Variants in RASGRF1 observed in about 807,000 individuals in gnomAD.
RASGRF1 encodes the protein ras-specific guanine nucleotide-releasing factor 1.
In RASGRF1, 40 loss-of-function variants were observed where a neutral mutation model predicts 138.7. The observed-to-expected ratio is 0.29, with a 90% CI of 0.22 to 0.38. RASGRF1 has a LOEUF of 0.38. Among genes scored for constraint, RASGRF1 ranks in the 10% least tolerant of loss-of-function variants. The probability of loss-of-function intolerance (pLI) is 1.00; values close to 1 mark genes in which losing one functional copy is unlikely to be tolerated. For synonymous variants in RASGRF1, 614 were observed against 663.2 expected (o/e 0.93, Z 1.14); for missense variants, 1,108 against 1,650.4 (o/e 0.67, Z 5.69).
chr15:79,058,418 G>T lies in RASGRF1; in HGVS notation c.447C>A (p.Ile149=). 2.5e-6 allele frequency: 4 copies of T among 1,614,160 alleles called. No individual in the cohort carries two copies. Among genetic ancestry groups the T allele is most frequent in the Non-Finnish European group, 3.4e-6 (4 of 1,180,032 alleles). ...TGGCCACGGTCTTCTCTGTCTCCAC[G>T]ATCTGCAGCAGGTGCAGGTATTTCT... ...LMQKYLHLLQ[I]VETEKTVAKQ... is the part of the protein sequence containing the mutation. The change falls in exon 3 of 27, where the codon ATC becomes ATA. Residue 149 remains isoleucine (I), a synonymous_variant. Transcript: ENST00000558480.
chr15:79,019,148 G>A (rs781669576), intron 11 of RASGRF1, among the ~76,000 whole-genome samples: 1 of 152,120 alleles, frequency 6.6e-6, no homozygotes, highest in Non-Finnish European at 1.5e-5. Context: ...CTGGGCCTGT[G>A]ATGCTGAGGT....
rs930033383 is a variant in RASGRF1, at chr15:79,073,507, C to T, written c.277-8981G>A. On this transcript the variant is annotated intron_variant, in intron 1 of 26. Coordinates refer to ENST00000558480, the MANE Select transcript of RASGRF1 (RefSeq NM_001145648.3). This position sits in a 1 kb window ranked among gnomAD's most constrained non-coding sequence, Gnocchi z 4.2. ...CACCTGGAGTCGGGGTTGTGAGAGA[C>T]GAGAAGGGCAGGTGAGGAGGAGGTG... 3.3e-5 allele frequency among the ~76,000 whole-genome samples: 5 copies of T among 151,914 alleles called. No homozygotes were observed. Among genetic ancestry groups the T allele is most frequent in the Non-Finnish European group, 5.9e-5 (4 of 67,986 alleles).
intron 2 of RASGRF1, among the ~76,000 whole-genome samples, chr15:79,059,860 A>G (rs1315913690): frequency 2.0e-5 from 3 of 152,152 alleles, no homozygotes; most frequent in African/African-American, 7.2e-5. Flanking sequence ...GTACATAGGA[A>G]GTATCTATTA....
chr15:78,967,895 A>G (rs1444702932), intron 26 of RASGRF1, among the ~76,000 whole-genome samples: 1 of 152,196 alleles, frequency 6.6e-6, no homozygotes, highest in Non-Finnish European at 1.5e-5. Flanking sequence ...TAACCATAAC[A>G]TCATTATACC....
chr15:79,049,290 C>T (rs540296235), intron 4 of RASGRF1, among the ~76,000 whole-genome samples: 1 of 152,252 alleles, frequency 6.6e-6, no homozygotes, highest in African/African-American at 2.4e-5. Context: ...CTGAAGCACT[C>T]TGCCCCATAG....
Position 79,058,372 on chromosome 15 carries a change from C to T in RASGRF1, c.493G>A (p.Glu165Lys), listed in dbSNP as rs776908152. 6.8e-6 allele frequency: 11 copies of T among 1,614,128 alleles called. No individual in the cohort carries two copies. The highest frequency in any genetic ancestry group is 9.3e-6 in the Non-Finnish European group (11 of 1,180,042). ...TVAKQLRQQIEDGEIEIERLK... is the reference protein window; with the variant it reads ...TVAKQLRQQIKDGEIEIERLK... Reference sequence around the variant, plus strand: ...CGCTCGATCTCGATCTCCCCATCCTCGATCTGCTGCCGAAGCTGCTTGGCC... The same window carrying T: ...CGCTCGATCTCGATCTCCCCATCCTTGATCTGCTGCCGAAGCTGCTTGGCC... Residue 165 changes from glutamate (E) to lysine (K), a missense_variant, in exon 3 of 27, where the codon GAG (glutamate) becomes AAG (lysine). By Grantham distance (56) the Glu-to-Lys change is moderately conservative. Around this residue, in one of 3 missense-constraint regions of RASGRF1, gnomAD observed 253 missense variants for 329.5 expected, o/e 0.77. Transcript: ENST00000558480.
Position 79,090,589 on chromosome 15 carries a change from G to GCGCTCGCT in RASGRF1, c.-99_-92dup. The GCGCTCGCT allele has an allele frequency of 1.9e-6, 3 of 1,539,030 alleles. No individual in the cohort carries two copies. The highest frequency in any genetic ancestry group is 2.6e-6 in the Non-Finnish European group (3 of 1,140,638). On this transcript the variant is annotated 5_prime_UTR_variant, in exon 1 of 27. Coordinates refer to ENST00000558480, the MANE Select transcript of RASGRF1 (RefSeq NM_001145648.3). ...GCGCGCTGCGCGCTGCCTCTCTCTGGCGCTCGCTCGCTCGCTCCCTCTAGC... is the reference window on the plus strand; with the variant it reads ...GCGCGCTGCGCGCTGCCTCTCTCTGGCGCTCGCTCGCTCGCTCGCTCGCTCCCTCTAGC...
chr15:78,968,400 T>C (rs1364633059), intron 26 of RASGRF1, among the ~76,000 whole-genome samples: 1 of 151,764 alleles, frequency 6.6e-6, no homozygotes, highest in East Asian at 1.9e-4. Flanking sequence ...GACTCCTGAG[T>C]AGATGTGACT....
chr15:79,089,739 G>T (rs1389266769), intron 1 of RASGRF1, among the ~76,000 whole-genome samples: 1 of 152,250 alleles, frequency 6.6e-6, no homozygotes, highest in Non-Finnish European at 1.5e-5. Context: ...CTGCGGCGAG[G>T]CAAGGGCTGG....
At chr15:79,005,063 C>CT (rs780232785) in intron 14 of RASGRF1, 1 of 985,378 alleles carries the variant, frequency 1.0e-6, no homozygotes. Context: ...ATCTCAGTGA[C>CT]TTTTAGGGGG....
chr15:79,013,091 G>A (rs756864832), intron 13 of RASGRF1, among the ~76,000 whole-genome samples: 6 of 152,194 alleles, frequency 3.9e-5, no homozygotes, highest in African/African-American at 2.4e-5. Context: ...TTATTGAAAC[G>A]GATCTAGGAA....
At chr15:79,074,943 A>G (rs2057813031) in intron 1 of RASGRF1, among the ~76,000 whole-genome samples, 1 of 152,204 alleles carries the variant, frequency 6.6e-6, no homozygotes. Flanking sequence ...AGGAGTCCTA[A>G]GATCGAGCGA....
At chr15:78,978,992 GC>G (rs1471983296) in intron 24 of RASGRF1, 7 of 1,291,774 alleles carry the variant, frequency 5.4e-6, no homozygotes, top group Non-Finnish European at 7.1e-6. Flanking sequence ...AGAATGGGGG[GC>G]CCCAGAGGCA....
intron 24 of RASGRF1, among the ~76,000 whole-genome samples, chr15:78,976,408 A>G (rs1352972635): frequency 2.0e-5 from 3 of 152,216 alleles, no homozygotes; most frequent in African/African-American, 7.2e-5. Context: ...AATCACAAAA[A>G]AATCTCTTAA....
chr15:79,090,168 G>A (rs1446679433), intron 1 of RASGRF1, 55 bp downstream of exon 1: 2 of 1,513,210 alleles, frequency 1.3e-6, no homozygotes, highest in East Asian at 4.8e-5. Context: ...AAGGCCCTGA[G>A]CCCCCAGGGC....
chr15:79,022,898 G>C (rs2056981463), intron 10 of RASGRF1, among the ~76,000 whole-genome samples: 1 of 152,216 alleles, frequency 6.6e-6, no homozygotes, highest in Non-Finnish European at 1.5e-5. Flanking sequence ...CTCTGGGCCG[G>C]GCGCGGTGGC....
In RASGRF1 at chr15:79,006,132, C is replaced by T. The variant is rs780147122; in HGVS notation, c.2075+54G>A. The T allele has an allele frequency of 1.4e-5, 23 of 1,608,696 alleles. No homozygotes were observed. The Middle Eastern group carries it at 5.0e-4, about 35-fold the overall frequency. On this transcript the variant is annotated intron_variant, in intron 14 of 26. Coordinates refer to ENST00000558480, the MANE Select transcript of RASGRF1 (RefSeq NM_001145648.3). This position sits in a 1 kb window ranked among gnomAD's most constrained non-coding sequence, Gnocchi z 4.0. ...CCCGGCCCCGTGCAAGCTCAGTTTT[C>T]CTCCAAGGCTTGGAAGCTCTCCGGG... is the stretch of plus-strand genomic sequence containing the variant.
intron 26 of RASGRF1, 118 bp from the exon 27 acceptor site, chr15:78,962,354 T>A (rs1341043958): frequency 2.9e-6 from 2 of 699,600 alleles, no homozygotes; most frequent in Admixed American, 2.6e-5. Context: ...CAGGTGGGCA[T>A]ATGAGGCAAA....
chr15:79,078,719 C>T (rs1341638324), intron 1 of RASGRF1, among the ~76,000 whole-genome samples: 1 of 152,262 alleles, frequency 6.6e-6, no homozygotes, highest in Admixed American at 6.5e-5. Context: ...AACTCTGCCT[C>T]TGAGTTCTCA....
Sources: gnomAD v4.1 joint callset for allele counts (sites outside exome capture counted in the v4.1 genomes callset) on GRCh38, gnomAD v4.1.1 for gene constraint, gnomAD v4.1.1 regional missense constraint, Gnocchi (gnomAD v3.1) non-coding constraint, MANE v1.5 for transcripts, NCBI Gene and HGNC (gene_info 2026-07-23, HGNC 2026-07-21) for gene names.